GALNT9: variants seen among roughly 807,000 people sequenced by gnomAD.
GALNT9 encodes polypeptide N-acetylgalactosaminyltransferase 9.
GALNT9 carries 47 observed loss-of-function variants against 63.1 expected under a neutral mutation model. That is an observed-to-expected ratio of 0.75 (90% CI 0.59 to 0.95). The LOEUF (loss-of-function observed/expected upper bound fraction) is 0.95. Among genes scored for constraint, GALNT9 ranks in the 40% least tolerant of loss-of-function variants. The pLI is 0.00. For missense variants in GALNT9, 829 were observed against 874.8 expected, an observed-to-expected ratio of 0.95 and a Z score of 0.66; for synonymous variants, 396 against 365.7, an observed-to-expected ratio of 1.08 and a Z score of -0.94.
chr12:132,316,175 G>A lies in GALNT9; in HGVS notation c.238+12791C>T, dbSNP rs557591592. Reference sequence around the variant, plus strand: ...GGGAGGCGACCCCACAGACCCCAGCGTCCCAGTCCAGGCTCGGCTCTCCAG... The same window carrying A: ...GGGAGGCGACCCCACAGACCCCAGCATCCCAGTCCAGGCTCGGCTCTCCAG... On this transcript the variant is annotated intron_variant, in intron 1 of 10. Transcript: ENST00000328957. This position sits in a 1 kb window ranked among gnomAD's most constrained non-coding sequence, Gnocchi z 4.3. 9.2e-5 allele frequency among the ~76,000 whole-genome samples: 14 copies of A among 152,154 alleles called. No individual in the cohort carries two copies. Among genetic ancestry groups the A allele is most frequent in the South Asian group, 2.1e-4 (1 of 4,808 alleles).
chr12:132,220,135 T>G (rs1877395798), intron 6 of GALNT9, among the ~76,000 whole-genome samples: 1 of 152,212 alleles, frequency 6.6e-6, no homozygotes, highest in Non-Finnish European at 1.5e-5. Flanking sequence ...GGCTCATGCC[T>G]GTAGTCCCAG....
intron 2 of GALNT9, chr12:132,280,216 T>G (rs1408174785): frequency 6.6e-6 from 1 of 152,266 alleles, no homozygotes; most frequent in Non-Finnish European, 1.5e-5. Flanking sequence ...ATTCCCTTTT[T>G]GGGTTGAGCC....
chr12:132,258,976 G>A (rs1284837399), intron 4 of GALNT9, among the ~76,000 whole-genome samples: 1 of 152,242 alleles, frequency 6.6e-6, no homozygotes, highest in Non-Finnish European at 1.5e-5. Flanking sequence ...GGCATGGGGA[G>A]AGGCAAGGCC....
intron 2 of GALNT9, chr12:132,284,141 C>G (rs28454872): frequency 1.9e-4 from 28 of 149,544 alleles, no homozygotes; most frequent in Non-Finnish European, 3.3e-4. Flanking sequence ...GCACGCACAC[C>G]CACGCACATG....
In GALNT9 at chr12:132,252,588, C is replaced by T. The variant is rs1464551788; in HGVS notation, c.960-4561G>A. Among the ~76,000 whole-genome samples, 1 of 152,134 alleles carries T rather than the reference C, an allele frequency of 6.6e-6. No individual in the cohort carries two copies. The highest frequency in any genetic ancestry group is 1.9e-4 in the East Asian group (1 of 5,180). On this transcript the variant is annotated intron_variant, in intron 5 of 10. Coordinates refer to ENST00000328957, the MANE Select transcript of GALNT9 (RefSeq NM_001122636.2). This position sits in a 1 kb window ranked among gnomAD's most constrained non-coding sequence, Gnocchi z 5.2. ...GGGGGGAACCACTGCCATCAAGACA[C>T]GGAGACCTGGCTGGGCGCACTGGCT...
chr12:132,234,610 G>A (rs1164943001), intron 6 of GALNT9, among the ~76,000 whole-genome samples: 7 of 906 alleles, frequency 7.7e-3, no homozygotes, highest in Middle Eastern at 0.5. Context: ...TGGAGTCCCT[G>A]GTGCCACACA....
Position 132,266,066 on chromosome 12 carries a change from G to A in GALNT9, c.420-3441C>T, listed in dbSNP as rs113168416. On this transcript the variant is annotated intron_variant, in intron 2 of 10. Transcript: ENST00000328957. ...TCAACAGGCACGCACAGCCAACCGC[G>A]GGCCTGTCTGCCTTTACACGCCCGA... is the stretch of plus-strand genomic sequence containing the variant. Among the ~76,000 whole-genome samples, 369 of 144,934 alleles carry A rather than the reference G, an allele frequency of 2.5e-3. 1 individual carries two copies. The highest frequency in any genetic ancestry group is 1.9e-3 in the Non-Finnish European group (127 of 67,140).
In GALNT9 at chr12:132,199,130, G is replaced by A. The variant is rs1317063699; in HGVS notation, c.1497+44C>T. 4 of 1,335,002 alleles carry A rather than the reference G, an allele frequency of 3.0e-6. No individual in the cohort carries two copies. The African/African-American group carries it at 5.7e-5, about 19-fold the overall frequency. 82.7% of individuals were successfully genotyped at this position (1,335,002 alleles called of 1,614,324 possible). ...GGGTGTAGGGTCCGGGTGGCCTGGG[G>A]TCGTCCCCTTGGGAGCTGCATGGGT... On this transcript the variant is annotated intron_variant, in intron 9 of 10. Coordinates refer to ENST00000328957, the MANE Select transcript of GALNT9 (RefSeq NM_001122636.2).
At chr12:132,201,345 G>A in intron 7 of GALNT9, 84 bp from the exon 8 acceptor site, 1 of 902,434 alleles carries the variant, frequency 1.1e-6, no homozygotes, top group Non-Finnish European at 1.8e-6. Context: ...GGGTCTCCAG[G>A]GACCAAGTGC....
rs559098858 is a variant in GALNT9, at chr12:132,221,685, A to C, written c.1078-17995T>G. On this transcript the variant is annotated intron_variant, in intron 6 of 10. Transcript: ENST00000328957. ...AAAAAAAAAAAAAAAAAAAGCAAGC[A>C]AGCCTGAGATGGACAATGTATGCAA... Among the ~76,000 whole-genome samples, 12 of 140,202 alleles carry C rather than the reference A, an allele frequency of 8.6e-5. No individual in the cohort carries two copies. In the South Asian group the frequency reaches 1.9e-3, roughly 22 times the overall value. 92.0% of individuals were successfully genotyped at this position (140,202 alleles called of 152,430 possible). A position where few individuals can be genotyped will look rare whatever the true frequency, so the allele number is the denominator to read the frequency against.
intron 1 of GALNT9, among the ~76,000 whole-genome samples, chr12:132,309,786 C>T (rs1197905637): frequency 1.3e-5 from 2 of 152,256 alleles, no homozygotes; most frequent in African/African-American, 4.8e-5. Context: ...AGTGCTACAG[C>T]AGCACCAAGA....
intron 1 of GALNT9, among the ~76,000 whole-genome samples, chr12:132,311,319 G>A (rs200224041): frequency 1.3e-5 from 2 of 152,268 alleles, no homozygotes; most frequent in South Asian, 2.1e-4. Context: ...GAAGCACTGG[G>A]GGACCTGCCT....
At chr12:132,291,751 CT>C (rs1880868109) in intron 1 of GALNT9, among the ~76,000 whole-genome samples, 1 of 152,228 alleles carries the variant, frequency 6.6e-6, no homozygotes, top group Admixed American at 6.5e-5. Context: ...GCTGGCACCC[CT>C]GGAGACCAGA....
intron 6 of GALNT9, chr12:132,205,504 G>GCTGCT (rs973268718): frequency 6.6e-6 from 1 of 150,626 alleles, no homozygotes; most frequent in Non-Finnish European, 1.5e-5. Context: ...GAGCCTCCTC[G>GCTGCT]CTGCTCAGCT....
At chr12:132,239,529 T>G (rs111200447) in intron 6 of GALNT9, among the ~76,000 whole-genome samples, 128 of 53,612 alleles carry the variant, frequency 2.4e-3, no homozygotes, top group African/African-American at 3.5e-3. Flanking sequence ...GAGACTGAGA[T>G]ACAGAGAGAC....
chr12:132,239,420 TGAGA>T (rs1270173413), intron 6 of GALNT9, among the ~76,000 whole-genome samples: 1 of 87,278 alleles, frequency 1.1e-5, no homozygotes, highest in Admixed American at 1.1e-4. Flanking sequence ...ACTGAGAGAC[TGAGA>T]GACAGAGAGA....
chr12:132,257,499 T>C (rs1341544792), intron 5 of GALNT9, among the ~76,000 whole-genome samples, 190 bp downstream of exon 5: 96 of 18,182 alleles, frequency 5.3e-3, no homozygotes, highest in East Asian at 0.014. Context: ...CTCGTCCTCA[T>C]GCCCTCATCC....
At chr12:132,247,881 C>G in intron 6 of GALNT9, 29 bp downstream of exon 6, 5 of 1,550,748 alleles carry the variant, frequency 3.2e-6, no homozygotes, top group Non-Finnish European at 3.5e-6. Flanking sequence ...CGCCCTCACC[C>G]TGTCCCTGGA....
chr12:132,200,441 C>T (rs532317056), intron 8 of GALNT9: 1 of 152,360 alleles, frequency 6.6e-6, no homozygotes, highest in South Asian at 2.1e-4. Flanking sequence ...GTGGGGGCAC[C>T]TTCATGCATG....
Sources: allele counts gnomAD v4.1 joint callset (sites outside exome capture counted in the v4.1 genomes callset), GRCh38; gene constraint gnomAD v4.1.1; non-coding constraint Gnocchi (gnomAD v3.1); transcripts MANE v1.5; gene names NCBI Gene and HGNC (gene_info 2026-07-23, HGNC 2026-07-21).